The following STX8 variants were observed in gnomAD, a reference collection of about 807,000 sequenced individuals.
STX8 encodes the protein syntaxin 8.
STX8 carries 23 observed loss-of-function variants against 37.5 expected under a neutral mutation model. The observed-to-expected ratio is 0.61, with a 90% CI of 0.44 to 0.87. The LOEUF (loss-of-function observed/expected upper bound fraction) is 0.87. Among genes scored for constraint, STX8 ranks in the 40% least tolerant of loss-of-function variants. The pLI, the probability that STX8 is intolerant of heterozygous loss-of-function variation, is 0.00. For missense variants in STX8, 313 were observed against 284.7 expected (o/e 1.10, Z -0.71); for synonymous variants, 115 against 99.1 (o/e 1.16, Z -0.95).
At chr17:9,382,284 G>C (rs1252868584) in intron 6 of STX8, among the ~76,000 whole-genome samples, 1 of 151,904 alleles carries the variant, frequency 6.6e-6, no homozygotes, top group Non-Finnish European at 1.5e-5. Flanking sequence ...TCAGGAAAGG[G>C]GTAAAGAGGA....
chr17:9,324,126 T>TCACA (rs35942102), intron 7 of STX8, among the ~76,000 whole-genome samples: 2,459 of 135,568 alleles, frequency 0.018, 17 homozygotes, highest in South Asian at 0.025. Context: ...TCTCTCTCTC[T>TCACA]CACACACACA....
Position 9,256,761 on chromosome 17 carries a change from C to T in STX8, c.644-6116G>A, listed in dbSNP as rs190313254. Among the ~76,000 whole-genome samples, 579 of 152,312 alleles carry T rather than the reference C, an allele frequency of 3.8e-3. 1 individual carries two copies. The highest frequency in any genetic ancestry group is 5.4e-3 in the Admixed American group (82 of 15,294). ...AGGAAGGTGGCTCCAGTTTCAGGGG[C>T]GCAGCCGACCCCCCTGCCGGAGGGA... On this transcript the variant is annotated intron_variant, in intron 7 of 7. Transcript: ENST00000306357.
intron 5 of STX8, among the ~76,000 whole-genome samples, chr17:9,496,758 G>A (rs1904420555): frequency 6.6e-6 from 1 of 152,170 alleles, no homozygotes; most frequent in South Asian, 2.1e-4. Context: ...TTTCCCAGCT[G>A]CCATCAGAGG....
chr17:9,473,345 T>G (rs1408066641), intron 6 of STX8, among the ~76,000 whole-genome samples: 1 of 152,154 alleles, frequency 6.6e-6, no homozygotes, highest in Non-Finnish European at 1.5e-5. Flanking sequence ...TCTGCACAGT[T>G]AGCAGATTCA....
At chr17:9,268,448 T>C (rs1567760871) in intron 7 of STX8, among the ~76,000 whole-genome samples, 1 of 152,196 alleles carries the variant, frequency 6.6e-6, no homozygotes, top group East Asian at 1.9e-4. Flanking sequence ...CCCGAGCACA[T>C]GGTATGCAAA....
intron 7 of STX8, among the ~76,000 whole-genome samples, chr17:9,280,311 G>A (rs374864464): frequency 3.3e-5 from 5 of 152,238 alleles, no homozygotes; most frequent in East Asian, 3.8e-4. Flanking sequence ...TGTAATCCCA[G>A]ATCTTTGGGA....
chr17:9,466,241 G>A (rs1334382478), intron 6 of STX8, among the ~76,000 whole-genome samples: 1 of 152,194 alleles, frequency 6.6e-6, no homozygotes, highest in African/African-American at 2.4e-5. Context: ...AAAGTGCTGG[G>A]ATTACAGGCT....
chr17:9,349,782 C>T (rs1416097066), intron 7 of STX8, among the ~76,000 whole-genome samples: 1 of 152,024 alleles, frequency 6.6e-6, no homozygotes, highest in East Asian at 1.9e-4. Flanking sequence ...ACTCCTCCTC[C>T]TTCTTGTGAT....
chr17:9,444,472 G>C (rs960278951), intron 6 of STX8, among the ~76,000 whole-genome samples: 1 of 152,166 alleles, frequency 6.6e-6, no homozygotes, highest in African/African-American at 2.4e-5. Flanking sequence ...TTTAGATCTG[G>C]TCCTTCCTTA....
chr17:9,364,781 G>T (rs746496973), intron 7 of STX8, among the ~76,000 whole-genome samples: 1 of 151,994 alleles, frequency 6.6e-6, no homozygotes, highest in African/African-American at 2.4e-5. Context: ...TGATCCACCC[G>T]CCTCGGCCTC....
intron 1 of STX8, 90 bp from the exon 2 acceptor site, chr17:9,568,560 G>C: frequency 1.9e-6 from 2 of 1,026,620 alleles, no homozygotes; most frequent in Admixed American, 4.5e-5. Flanking sequence ...GAGTGCAGTG[G>C]CACGATCTCA....
At chr17:9,570,218 T>C (rs1907631553) in intron 1 of STX8, among the ~76,000 whole-genome samples, 1 of 152,048 alleles carries the variant, frequency 6.6e-6, no homozygotes, top group African/African-American at 2.4e-5. Flanking sequence ...TTTTTTTAAA[T>C]GAAGGAAAAT....
chr17:9,451,016 G>A (rs188010539), intron 6 of STX8, among the ~76,000 whole-genome samples: 47 of 152,168 alleles, frequency 3.1e-4, no homozygotes, highest in African/African-American at 1.1e-3. Flanking sequence ...GAATAAGACA[G>A]CCTTACTTAT....
At chr17:9,405,436 A>G (rs1912768377) in intron 6 of STX8, among the ~76,000 whole-genome samples, 1 of 152,202 alleles carries the variant, frequency 6.6e-6, no homozygotes. Context: ...CTTCAGGGAC[A>G]AAGCATCAAT....
intron 6 of STX8, among the ~76,000 whole-genome samples, chr17:9,381,011 G>A (rs544698271): frequency 6.6e-5 from 10 of 152,034 alleles, no homozygotes; most frequent in East Asian, 1.9e-4. Flanking sequence ...CACTGCACCC[G>A]ACCATATTTA....
chr17:9,541,685 A>G (rs1205237904), intron 4 of STX8, among the ~76,000 whole-genome samples: 1 of 152,192 alleles, frequency 6.6e-6, no homozygotes, highest in African/African-American at 2.4e-5. Flanking sequence ...TTACAAGTTC[A>G]GAGCTAAAAT....
intron 4 of STX8, among the ~76,000 whole-genome samples, chr17:9,526,674 A>G (rs1905584012): frequency 6.6e-6 from 1 of 152,164 alleles, no homozygotes; most frequent in Non-Finnish European, 1.5e-5. Context: ...AATCAAGAAC[A>G]GCCTGGCCAA....
chr17:9,528,624 A>T (rs1355742997), intron 4 of STX8, among the ~76,000 whole-genome samples: 2 of 152,270 alleles, frequency 1.3e-5, no homozygotes, highest in East Asian at 3.9e-4. Context: ...ACTTGTTATA[A>T]TGTGCATGTA....
intron 3 of STX8, among the ~76,000 whole-genome samples, chr17:9,547,895 C>T (rs1906612926): frequency 2.7e-5 from 4 of 150,722 alleles, no homozygotes; most frequent in African/African-American, 7.4e-5. Flanking sequence ...TGGGTTCAAG[C>T]AATTCTCCTC....
Sources: gnomAD v4.1 joint callset for allele counts (sites outside exome capture counted in the v4.1 genomes callset) on GRCh38, gnomAD v4.1.1 for gene constraint, MANE v1.5 for transcripts, NCBI Gene and HGNC (gene_info 2026-07-23, HGNC 2026-07-21) for gene names.